Variants in KRT37 observed in about 807,000 individuals in gnomAD.
KRT37 encodes keratin 37.
Under a neutral mutation model 41.9 loss-of-function variants are expected in KRT37, and 38 were observed. The observed-to-expected ratio is 0.91, with a 90% confidence interval of 0.70 to 1.19. The LOEUF (loss-of-function observed/expected upper bound fraction) is 1.19. KRT37 is among the 50% of genes most tolerant of loss of function. The pLI is 0.00. For synonymous variants in KRT37, 252 were observed against 243.4 expected, an observed-to-expected ratio of 1.04 and a Z score of -0.33; for missense variants, 580 against 575.5, an observed-to-expected ratio of 1.01 and a Z score of -0.08.
At chr17:41,423,968 G>C in intron 1 of KRT37, 64 bp downstream of exon 1, 1 of 1,601,930 alleles carries the variant, frequency 6.2e-7, no homozygotes, top group Non-Finnish European at 8.5e-7. Context: ...ACCTTATGCA[G>C]ATTCCTCCTG....
chr17:41,423,042 G>A (rs2018567525), intron 2 of KRT37, 108 bp from the exon 3 acceptor site: 14 of 1,357,382 alleles, frequency 1.0e-5, no homozygotes, highest in Admixed American at 2.1e-5. Flanking sequence ...TGTTCACGTG[G>A]GCAGTATACA....
chr17:41,420,825 C>G lies in KRT37; in HGVS notation c.*53G>C. 1 of 1,216,904 alleles carries G rather than the reference C, an allele frequency of 8.2e-7. No homozygotes were observed. The highest frequency in any genetic ancestry group is 1.2e-6 in the Non-Finnish European group (1 of 830,556). The allele number at this position is 1,216,904 out of a possible 1,614,324, so 75.4% of individuals were successfully genotyped here. ...GAAGGAAGACTGGGCAAGGTGAGGG[C>G]ACTCCTGACCCCAGTGCAACCAGCC... On this transcript the variant is annotated 3_prime_UTR_variant, in exon 7 of 7. Transcript: ENST00000225550.
In KRT37 at chr17:41,421,360, C is replaced by T. The variant is rs1309463999; in HGVS notation, c.1241+7G>A. On this transcript the variant is annotated splice_region_variant and intron_variant, in intron 6 of 6. Transcript: ENST00000225550. ...TGTGGCTTAGGAATTGCCCAGATCA[C>T]ACGTACTTGCAGTCCTCGCTCTCCA... 2.0e-5 allele frequency: 33 copies of T among 1,614,068 alleles called. No individual in the cohort carries two copies. The highest frequency in any genetic ancestry group is 2.7e-5 in the Non-Finnish European group (32 of 1,179,900).
rs575421351 is a variant in KRT37, at chr17:41,420,977, G to T, written c.1251C>A (p.Cys417Ter). ...AGGAGGCAGGCGTGGAACAGGGATT[G>T]CAGGGGAGTCTGCAGGGAGAGAAAG... Reference protein sequence around the residue: ...LLESEDCKLPCNPCSTPASCT... With the variant: ...LLESEDCKLP The change falls in exon 7 of 7, where the codon TGC becomes TGA. Residue 417 changes from cysteine to a stop codon, truncating the protein, a stop_gained. Coordinates refer to ENST00000225550, the MANE Select transcript of KRT37 (RefSeq NM_003770.5). LOFTEE classifies it low-confidence loss of function (END_TRUNC). The T allele has an allele frequency of 1.9e-6, 3 of 1,612,402 alleles. No individual in the cohort carries two copies. In the African/African-American group the frequency reaches 4.0e-5, roughly 21 times the overall value.
chr17:41,421,917 C>A, intron 5 of KRT37, 152 bp downstream of exon 5: 1 of 1,383,534 alleles, frequency 7.2e-7, no homozygotes, highest in South Asian at 1.4e-5. Flanking sequence ...CTGGGTCACA[C>A]TGAACTTGAC....
intron 2 of KRT37, chr17:41,423,247 C>T: frequency 3.0e-6 from 1 of 336,332 alleles, no homozygotes; most frequent in Non-Finnish European, 5.3e-6. Context: ...AGTCATTTGG[C>T]CAGGAAAAAG....
chr17:41,422,816 T>G lies in KRT37; in HGVS notation c.694A>C (p.Lys232Gln). 6.2e-7 allele frequency: 1 copy of G among 1,613,706 alleles called. No homozygotes were observed. The highest frequency in any genetic ancestry group is 1.1e-5 in the South Asian group (1 of 91,048). ...CTCTTGAGGGAGAGCTGCTCCTCCT[T>G]CAGGGACTCCTGCTGGGCCTCCAGG... is the stretch of plus-strand genomic sequence containing the variant. The part of the protein sequence containing the change: ...ADLEAQQESL[K>Q]EEQLSLKSNH... Residue 232 changes from lysine to glutamine, a missense_variant, in exon 3 of 7, where the codon AAG becomes CAG. Transcript: ENST00000225550.
chr17:41,421,878 G>A (rs2018544077), intron 5 of KRT37, among the ~76,000 whole-genome samples, 191 bp downstream of exon 5: 1 of 152,186 alleles, frequency 6.6e-6, no homozygotes, highest in Non-Finnish European at 1.5e-5. Flanking sequence ...TAAAGGAAGT[G>A]GACTTGATTT....
rs763670130 is a variant in KRT37 at position 41,422,364 on chromosome 17, T to C, written c.803A>G (p.Asp268Gly). ...CATCTCCCCCAACACCCTGTTCAGG[T>C]CAATGGTGGGCTCAATGTCCAGCTC... is the stretch of plus-strand genomic sequence containing the variant. ...RIELDIEPTI[D>G]LNRVLGEMRA... is the part of the protein sequence containing the mutation. Residue 268 changes from aspartate (D) to glycine (G), a missense_variant, in exon 4 of 7, where the codon GAC becomes GGC. By Grantham distance (94) the Asp-to-Gly change is moderately conservative. Coordinates refer to ENST00000225550, the MANE Select transcript of KRT37 (RefSeq NM_003770.5). 13 of 1,614,060 alleles carry C rather than the reference T, an allele frequency of 8.1e-6. No homozygotes were observed. In the South Asian group the frequency reaches 1.3e-4, roughly 16 times the overall value.
At chr17:41,423,004 A>G (rs979036677) in intron 2 of KRT37, 70 bp from the exon 3 acceptor site, 2 of 1,534,116 alleles carry the variant, frequency 1.3e-6, no homozygotes, top group Non-Finnish European at 1.8e-6. Context: ...CTGGCTTCCT[A>G]CCTCCCACAC....
At position 41,424,547 on chromosome 17, in the gene KRT37, G is replaced by A. The variant is rs753449763; in HGVS notation, c.-24C>T. The stretch of plus-strand genomic sequence containing the variant: ...ATGGTGTAGGGCTGAGGCTGCACAG[G>A]AGCTTCAGATCAGCTGGGAAGGCTG... On this transcript the variant is annotated 5_prime_UTR_variant, in exon 1 of 7. Transcript: ENST00000225550. 1.3e-6 allele frequency: 2 copies of A among 1,538,584 alleles called. No homozygotes were observed. Among genetic ancestry groups the A allele is most frequent in the Admixed American group, 1.9e-5 (1 of 51,884 alleles).
chr17:41,421,309 C>T, intron 6 of KRT37, 58 bp downstream of exon 6: 1 of 1,565,980 alleles, frequency 6.4e-7, no homozygotes. Flanking sequence ...TCCATTACCT[C>T]TGAGGAATTG....
In KRT37 at chr17:41,422,135, C is replaced by T. The variant is rs770826377; in HGVS notation, c.954G>A (p.Ser318=). 70 of 1,614,202 alleles carry T rather than the reference C, an allele frequency of 4.3e-5. No homozygotes were observed. The highest frequency in any genetic ancestry group is 1.5e-4 in the African/African-American group (11 of 75,042). The change falls in exon 5 of 7, where the codon TCG becomes TCA. Residue 318 remains serine (S), a synonymous_variant. Coordinates refer to ENST00000225550, the MANE Select transcript of KRT37 (RefSeq NM_003770.5). The part of the protein sequence containing the change: ...SCSEELQCCQ[S]EILELRCTVN... ...CCGTGCATCTCAGCTCCAGGATCTC[C>T]GACTGGCAGCACTGCAGCTCCTCGG... is the stretch of plus-strand genomic sequence containing the variant.
intron 1 of KRT37, 80 bp from the exon 2 acceptor site, chr17:41,423,924 GT>G (rs2018577038): frequency 7.5e-6 from 12 of 1,604,616 alleles, no homozygotes; most frequent in Non-Finnish European, 1.0e-5. Flanking sequence ...TTACGCTCAT[GT>G]CCAAGAGAAA....
In KRT37 at chr17:41,421,685, T is replaced by C. The variant is rs77106064; in HGVS notation, c.1021-98A>G. 755 of 1,133,614 alleles carry C rather than the reference T, an allele frequency of 6.7e-4. 1 individual carries two copies. Among genetic ancestry groups the C allele is most frequent in the African/African-American group, 3.7e-3 (242 of 65,340 alleles). The allele number at this position is 1,133,614 out of a possible 1,614,324, so 70.2% of individuals were successfully genotyped here. A position where few individuals can be genotyped will look rare whatever the true frequency, so the allele number is the denominator to read the frequency against. ...ATCACACATAGGGCAAATTCCAAAA[T>C]GTCATAGGACATTCTCAGAGCTCTG... On this transcript the variant is annotated intron_variant, in intron 5 of 6. Transcript: ENST00000225550.
chr17:41,424,379 C>CAT lies in KRT37; in HGVS notation c.144_145insAT (p.Val49MetfsTer53). The CAT allele has an allele frequency of 6.2e-7, 1 of 1,613,846 alleles. No individual in the cohort carries two copies. The highest frequency in any genetic ancestry group is 2.2e-5 in the East Asian group (1 of 44,866). On this transcript the variant is annotated frameshift_variant, in exon 1 of 7. Coordinates refer to ENST00000225550, the MANE Select transcript of KRT37 (RefSeq NM_003770.5). LOFTEE classifies it high-confidence loss of function. ...ACACGGACTCTGTTGGCGTGTGCCA[C>CAT]GTTGGCCAAGAGGCACATGGAGGCA...
At position 41,424,389 on chromosome 17, in the gene KRT37, G is replaced by A. The variant is rs181681166; in HGVS notation, c.135C>T (p.Leu45=). 5.6e-5 allele frequency: 91 copies of A among 1,613,806 alleles called. 1 individual carries two copies. The East Asian group carries it at 9.4e-4, about 17-fold the overall frequency. The part of the protein sequence containing the change: ...VAEANAASMC[L]LANVAHANRV... Reference sequence around the variant, plus strand: ...TGTTGGCGTGTGCCACGTTGGCCAAGAGGCACATGGAGGCAGCATTGGCCT... The same window carrying A: ...TGTTGGCGTGTGCCACGTTGGCCAAAAGGCACATGGAGGCAGCATTGGCCT... Residue 45 remains leucine, a synonymous_variant, in exon 1 of 7, where the codon CTC becomes CTT. Coordinates refer to ENST00000225550, the MANE Select transcript of KRT37 (RefSeq NM_003770.5).
Position 41,424,490 on chromosome 17 carries a change from G to A in KRT37, c.34C>T (p.Leu12=), listed in dbSNP as rs558452043. The change falls in exon 1 of 7, where the codon CTG becomes TTG. Residue 12 remains leucine, a synonymous_variant. Coordinates refer to ENST00000225550, the MANE Select transcript of KRT37 (RefSeq NM_003770.5). The stretch of plus-strand genomic sequence containing the variant: ...GCTCCAGGAGCCATGGTGCAACCCA[G>A]AGGGCATGAGGAGGTGCTGTAGAAG... ...TSFYSTSSCP[L]GCTMAPGARN... is the part of the protein sequence containing the mutation. 3.1e-5 allele frequency: 50 copies of A among 1,592,870 alleles called. No homozygotes were observed. In the South Asian group the frequency reaches 5.6e-4, roughly 18 times the overall value.
chr17:41,421,868 T>C (rs1406099346), intron 5 of KRT37, among the ~76,000 whole-genome samples: 1 of 152,192 alleles, frequency 6.6e-6, no homozygotes, highest in Non-Finnish European at 1.5e-5. Context: ...CACTGTGTTG[T>C]AAAGGAAGTG....
Sources: allele counts gnomAD v4.1 joint callset (sites outside exome capture counted in the v4.1 genomes callset), GRCh38; gene constraint gnomAD v4.1.1; transcripts MANE v1.5; gene names NCBI Gene and HGNC (gene_info 2026-07-23, HGNC 2026-07-21).